Variants in CACNA1C observed in about 807,000 individuals in gnomAD.
CACNA1C encodes the protein voltage-dependent L-type calcium channel subunit alpha-1C.
In CACNA1C, 30 loss-of-function variants were observed where a neutral mutation model predicts 229.0. The ratio of observed to expected loss-of-function variants is 0.13; its 90% CI spans 0.10 to 0.18. The LOEUF (loss-of-function observed/expected upper bound fraction) is 0.18, where lower values mean the gene tolerates loss of function less well. Ranked by LOEUF, CACNA1C falls within the 10% of genes least tolerant of loss-of-function variation. The pLI, the probability that CACNA1C is intolerant of heterozygous loss-of-function variation, is 1.00. For missense variants in CACNA1C, 1,658 were observed against 2,845.0 expected, an observed-to-expected ratio of 0.58 and a Z score of 9.49; for synonymous variants, 1,114 against 1,132.5, an observed-to-expected ratio of 0.98 and a Z score of 0.33.
rs1196684975 is a variant in CACNA1C at position 2,346,778 on chromosome 12, C to CTTA, written c.478-102197_478-102196insTAT. ...CATTAAAACTTGATTTTGCATCCAG[C>CTTA]TCATGATAAGCATATAGCAGCATAT... On this transcript the variant is annotated intron_variant, in intron 3 of 46. Transcript: ENST00000399655. The surrounding 1 kb of genome is among the most constrained non-coding windows in gnomAD (Gnocchi z 4.4). Among the ~76,000 whole-genome samples the CTTA allele has an allele frequency of 1.1e-4, 17 of 152,318 alleles. No homozygotes were observed. Among genetic ancestry groups the CTTA allele is most frequent in the African/African-American group, 4.1e-4 (17 of 41,566 alleles).
rs536526206 is a variant in CACNA1C, at chr12:2,548,170, C to T, written c.1391-1773C>T. On this transcript the variant is annotated intron_variant, in intron 9 of 46. Coordinates refer to ENST00000399655, the MANE Select transcript of CACNA1C (RefSeq NM_000719.7). ...TTCCTTAGTGTGGTTTGAGCAAAGCCCCTGGCAAGCTCTGAAGGTCTGAGC... is the reference window on the plus strand; with the variant it reads ...TTCCTTAGTGTGGTTTGAGCAAAGCTCCTGGCAAGCTCTGAAGGTCTGAGC... Among the ~76,000 whole-genome samples the T allele has an allele frequency of 2.0e-5, 3 of 152,218 alleles. No homozygotes were observed. In the South Asian group the frequency reaches 6.2e-4, roughly 32 times the overall value.
chr12:1,976,221 G>A (rs965182394), intron 1 of CACNA1C, among the ~76,000 whole-genome samples: 14 of 152,240 alleles, frequency 9.2e-5, no homozygotes, highest in East Asian at 1.9e-4. Context: ...CACAGTAGAC[G>A]TATAACCCTT....
intron 2 of CACNA1C, among the ~76,000 whole-genome samples, chr12:2,115,762 A>G (rs1233562994): frequency 6.6e-6 from 1 of 152,216 alleles, no homozygotes; most frequent in African/African-American, 2.4e-5. Context: ...GGGCCCAGCA[A>G]TCTGCTTGTA....
At chr12:2,530,754 T>C (rs2099839068) in intron 9 of CACNA1C, among the ~76,000 whole-genome samples, 2 of 152,192 alleles carry the variant, frequency 1.3e-5, no homozygotes, top group South Asian at 2.1e-4. Context: ...ATAGGGACCA[T>C]GCCATGGGTA....
At chr12:2,255,643 G>C (rs1470539269) in intron 3 of CACNA1C, among the ~76,000 whole-genome samples, 1 of 152,216 alleles carries the variant, frequency 6.6e-6, no homozygotes. Context: ...GACCAGGAGG[G>C]TCACCTGGTT....
chr12:2,086,410 G>GT (rs1260630418), intron 1 of CACNA1C, among the ~76,000 whole-genome samples: 15 of 152,216 alleles, frequency 9.9e-5, no homozygotes, highest in Admixed American at 5.9e-4. Context: ...CATTGATTAG[G>GT]TTTTTTCTCC....
chr12:2,102,147 T>C (rs1311131099), intron 1 of CACNA1C, among the ~76,000 whole-genome samples: 4 of 152,214 alleles, frequency 2.6e-5, no homozygotes, highest in Non-Finnish European at 5.9e-5. Flanking sequence ...TGATAATAGA[T>C]ACATTGAACA....
intron 1 of CACNA1C, among the ~76,000 whole-genome samples, chr12:2,037,406 C>T (rs1323926624): frequency 6.6e-6 from 1 of 152,186 alleles, no homozygotes; most frequent in Non-Finnish European, 1.5e-5. Flanking sequence ...CCGCTAACAG[C>T]AATTCTTGTA....
intron 1 of CACNA1C, among the ~76,000 whole-genome samples, chr12:2,077,522 T>C (rs1471437440): frequency 2.0e-5 from 3 of 152,168 alleles, no homozygotes; most frequent in East Asian, 1.9e-4. Flanking sequence ...AGGAACTTTA[T>C]GTGACTTGTA....
At chr12:2,039,982 A>G (rs1000463038) in intron 1 of CACNA1C, among the ~76,000 whole-genome samples, 1 of 152,094 alleles carries the variant, frequency 6.6e-6, no homozygotes, top group Non-Finnish European at 1.5e-5. Context: ...AGACCAATGC[A>G]TCTACTTGGA....
chr12:2,192,032 T>C (rs946807783), intron 3 of CACNA1C, among the ~76,000 whole-genome samples: 1 of 147,996 alleles, frequency 6.8e-6, no homozygotes, highest in Non-Finnish European at 1.5e-5. Context: ...ATACACGCAC[T>C]CACACATACA....
At chr12:2,109,576 G>A (rs2080807505) in intron 1 of CACNA1C, among the ~76,000 whole-genome samples, 1 of 152,194 alleles carries the variant, frequency 6.6e-6, no homozygotes, top group East Asian at 1.9e-4. Flanking sequence ...AGTCTGTGCA[G>A]GTGTTGTAAG....
intron 3 of CACNA1C, among the ~76,000 whole-genome samples, chr12:2,386,562 G>C (rs917977602): frequency 6.6e-6 from 1 of 152,176 alleles, no homozygotes; most frequent in African/African-American, 2.4e-5. Context: ...GCAAGCACCT[G>C]TTCATCTTCC....
At chr12:2,301,306 A>G (rs1208888799) in intron 3 of CACNA1C, among the ~76,000 whole-genome samples, 2 of 152,170 alleles carry the variant, frequency 1.3e-5, no homozygotes, top group Non-Finnish European at 1.5e-5. Flanking sequence ...GTGGGTCTTA[A>G]AAACCTTCTG....
intron 3 of CACNA1C, among the ~76,000 whole-genome samples, chr12:2,259,419 GA>G (rs2079194066): frequency 6.6e-6 from 1 of 152,122 alleles, no homozygotes; most frequent in African/African-American, 2.4e-5. Context: ...TGCTAATGAG[GA>G]AAATTAATGT....
intron 3 of CACNA1C, among the ~76,000 whole-genome samples, chr12:2,411,097 G>A (rs948853480): frequency 7.9e-5 from 12 of 152,054 alleles, no homozygotes; most frequent in African/African-American, 2.9e-4. Flanking sequence ...CAACTGCTCC[G>A]CCCGTGTATG....
intron 3 of CACNA1C, among the ~76,000 whole-genome samples, chr12:2,179,386 G>A (rs1270423496): frequency 6.6e-6 from 1 of 152,192 alleles, no homozygotes; most frequent in Admixed American, 6.5e-5. Context: ...GAACAAGTAA[G>A]TTGTCTAATG....
At chr12:2,182,227 G>A (rs2096863868) in intron 3 of CACNA1C, among the ~76,000 whole-genome samples, 1 of 151,012 alleles carries the variant, frequency 6.6e-6, no homozygotes, top group Admixed American at 6.6e-5. Context: ...CCATAAAATT[G>A]TGTGAGCAAA....
chr12:2,687,649 C>T (rs1017153638), intron 45 of CACNA1C, among the ~76,000 whole-genome samples: 6 of 151,982 alleles, frequency 3.9e-5, no homozygotes, highest in Non-Finnish European at 2.9e-5. Flanking sequence ...AAGTGATTCT[C>T]CTGCCTCAGC....
Sources: allele counts gnomAD v4.1 joint callset (sites outside exome capture counted in the v4.1 genomes callset), GRCh38; gene constraint gnomAD v4.1.1; non-coding constraint Gnocchi (gnomAD v3.1); transcripts MANE v1.5; gene names NCBI Gene and HGNC (gene_info 2026-07-23, HGNC 2026-07-21).